ADGRF4: variants seen among roughly 807,000 people sequenced by gnomAD.
ADGRF4 encodes adhesion G protein-coupled receptor F4.
A neutral mutation model predicts 58.5 loss-of-function variants in ADGRF4; 63 were observed. The observed-to-expected ratio is 1.08, with a 90% CI of 0.88 to 1.33. ADGRF4 has a LOEUF of 1.33. ADGRF4 is among the 40% of genes most tolerant of loss of function. The pLI, the probability that ADGRF4 is intolerant of heterozygous loss-of-function variation, is 0.00. For synonymous variants in ADGRF4, 313 were observed against 295.4 expected (o/e 1.06, Z -0.61); for missense variants, 931 against 843.9 (o/e 1.10, Z -1.28).
chr6:47,706,015 A>T (rs1456628887), intron 1 of ADGRF4, among the ~76,000 whole-genome samples: 1 of 152,332 alleles, frequency 6.6e-6, no homozygotes, highest in African/African-American at 2.4e-5. Flanking sequence ...AGAATGAATG[A>T]TCATCTACAT....
At chr6:47,716,271 T>C (rs530276842) in intron 6 of ADGRF4, among the ~76,000 whole-genome samples, 4 of 152,328 alleles carry the variant, frequency 2.6e-5, no homozygotes, top group East Asian at 3.9e-4. Context: ...CTTAGATTGA[T>C]AGTGAAAAGA....
intron 1 of ADGRF4, among the ~76,000 whole-genome samples, chr6:47,699,345 T>TA (rs1412946267): frequency 6.6e-6 from 1 of 152,244 alleles, no homozygotes; most frequent in Non-Finnish European, 1.5e-5. Context: ...GTGAGAGGTC[T>TA]AAAGTGTTGC....
chr6:47,712,710 A>G, intron 5 of ADGRF4, 102 bp downstream of exon 5: 1 of 812,556 alleles, frequency 1.2e-6, no homozygotes, highest in Non-Finnish European at 2.0e-6. Flanking sequence ...GACAGCAACC[A>G]TCAAAGCAAC....
chr6:47,707,372 G>A (rs1343591036), intron 2 of ADGRF4, 34 bp downstream of exon 2: 3 of 1,300,316 alleles, frequency 2.3e-6, no homozygotes, highest in African/African-American at 1.5e-5. Flanking sequence ...GATCCGAGGA[G>A]AAATCTCTCA....
At chr6:47,710,641 C>T in intron 3 of ADGRF4, 94 bp from the exon 4 acceptor site, 1 of 1,359,798 alleles carries the variant, frequency 7.4e-7, no homozygotes, top group Non-Finnish European at 1.0e-6. Context: ...GGAAGCAATC[C>T]AAAAATCTCC....
rs1561869530 is a variant in ADGRF4 at position 47,715,086 on chromosome 6, T to C, written c.1841T>C (p.Leu614Pro). The change falls in exon 6 of 10, where the codon CTG (leucine) becomes CCG (proline). Residue 614 changes from leucine (L) to proline (P), a missense_variant. Coordinates refer to ENST00000283303, the MANE Select transcript of ADGRF4 (RefSeq NM_153838.5). Reference sequence around the variant, plus strand: ...AATGTTGCCATCCTCACTCCACTGCTGGGACTGACCTGGGGTTTTGGAATA... The same window carrying C: ...AATGTTGCCATCCTCACTCCACTGCCGGGACTGACCTGGGGTTTTGGAATA... ...SKNVAILTPLLGLTWGFGIAT... is the reference protein window; with the variant it reads ...SKNVAILTPLPGLTWGFGIAT... 1.2e-6 allele frequency: 2 copies of C among 1,612,522 alleles called. No homozygotes were observed. Among genetic ancestry groups the C allele is most frequent in the Non-Finnish European group, 8.5e-7 (1 of 1,178,592 alleles).
At chr6:47,712,242 G>A (rs1771888900) in intron 4 of ADGRF4, 115 bp from the exon 5 acceptor site, 1 of 1,000,832 alleles carries the variant, frequency 1.0e-6, no homozygotes, top group Middle Eastern at 3.1e-4. Context: ...CCACTTTTTA[G>A]GACTCTTTGC....
chr6:47,710,832 G>A lies in ADGRF4; in HGVS notation c.246G>A (p.Lys82=). ...GEIGFTCNQK[K]WQKSAETCTS... is the part of the protein sequence containing the mutation. ...TAGGATTTACATGTAATCAAAAAAA[G>A]TGGCAAAAATCAGCTGAAACATGTA... Residue 82 remains lysine, a synonymous_variant, in exon 4 of 10, where the codon AAG becomes AAA. Coordinates refer to ENST00000283303, the MANE Select transcript of ADGRF4 (RefSeq NM_153838.5). 6.2e-7 allele frequency: 1 copy of A among 1,613,930 alleles called. No individual in the cohort carries two copies. Among genetic ancestry groups the A allele is most frequent in the Non-Finnish European group, 8.5e-7 (1 of 1,179,936 alleles).
rs139552844 is a variant in ADGRF4, at chr6:47,716,487, C to T, written c.1933-319C>T. Among the ~76,000 whole-genome samples, 656 of 152,252 alleles carry T rather than the reference C, an allele frequency of 4.3e-3. 3 individuals are homozygous for T. Among genetic ancestry groups the T allele is most frequent in the African/African-American group, 0.014 (573 of 41,536 alleles). Reference sequence around the variant, plus strand: ...TTTCTGTCACATGTTTCTGTCATCACGAGTAGAAACAGCTACCTCAATATT... The same window carrying T: ...TTTCTGTCACATGTTTCTGTCATCATGAGTAGAAACAGCTACCTCAATATT... On this transcript the variant is annotated intron_variant, in intron 6 of 9. Coordinates refer to ENST00000283303, the MANE Select transcript of ADGRF4 (RefSeq NM_153838.5).
intron 1 of ADGRF4, among the ~76,000 whole-genome samples, chr6:47,706,421 G>C (rs1771711312): frequency 6.6e-6 from 1 of 152,212 alleles, no homozygotes; most frequent in Non-Finnish European, 1.5e-5. Flanking sequence ...TCCGGTAGCA[G>C]ACGGTTGGGT....
rs1561868844 is a variant in ADGRF4 at position 47,714,371 on chromosome 6, T to C, written c.1126T>C (p.Cys376Arg). 4.3e-6 allele frequency: 7 copies of C among 1,614,020 alleles called. No homozygotes were observed. The highest frequency in any genetic ancestry group is 5.9e-6 in the Non-Finnish European group (7 of 1,180,024). The change falls in exon 6 of 10, where the codon TGC becomes CGC. Residue 376 changes from cysteine to arginine, a missense_variant. Coordinates refer to ENST00000283303, the MANE Select transcript of ADGRF4 (RefSeq NM_153838.5). Reference sequence around the variant, plus strand: ...GTTGGATATCAGGAACGAAGTGAAATGCCGCTGTAACTACACCAGTGTGGT... The same window carrying C: ...GTTGGATATCAGGAACGAAGTGAAACGCCGCTGTAACTACACCAGTGTGGT... Reference protein sequence around the residue: ...MMLDIRNEVKCRCNYTSVVMS... With the variant: ...MMLDIRNEVKRRCNYTSVVMS...
At chr6:47,710,918 G>A (rs781186515) in intron 4 of ADGRF4, 32 bp downstream of exon 4, 3 of 1,596,078 alleles carry the variant, frequency 1.9e-6, no homozygotes, top group African/African-American at 2.7e-5. Flanking sequence ...GGTGACAGAA[G>A]CCAATCCCCC....
At chr6:47,702,430 G>A (rs1458365635) in intron 1 of ADGRF4, among the ~76,000 whole-genome samples, 1 of 152,200 alleles carries the variant, frequency 6.6e-6, no homozygotes, top group Non-Finnish European at 1.5e-5. Context: ...TAAAAGTAGA[G>A]CAGTCCCACT....
intron 9 of ADGRF4, 137 bp downstream of exon 9, chr6:47,718,582 G>A (rs1252286174): frequency 3.0e-6 from 2 of 668,816 alleles, no homozygotes; most frequent in East Asian, 2.6e-5. Context: ...CTTTTTCAAA[G>A]AATGGAAACA....
chr6:47,714,280 C>T lies in ADGRF4; in HGVS notation c.1035C>T (p.Ala345=). The part of the protein sequence containing the change: ...TFEKINKTRN[A]RAQCVGWHSK... ...AAAAGATCAATAAAACCCGCAATGC[C>T]AGAGCCCAGTGTGTTGGCTGGCACT... The change falls in exon 6 of 10, where the codon GCC becomes GCT. Residue 345 remains alanine, a synonymous_variant. Coordinates refer to ENST00000283303, the MANE Select transcript of ADGRF4 (RefSeq NM_153838.5). The T allele has an allele frequency of 6.2e-7, 1 of 1,614,174 alleles. No individual in the cohort carries two copies. The highest frequency in any genetic ancestry group is 1.3e-5 in the African/African-American group (1 of 75,048).
Sources: gnomAD v4.1 joint callset for allele counts (sites outside exome capture counted in the v4.1 genomes callset) on GRCh38, gnomAD v4.1.1 for gene constraint, MANE v1.5 for transcripts, NCBI Gene and HGNC (gene_info 2026-07-23, HGNC 2026-07-21) for gene names.